The following GALNT13 variants were observed in gnomAD, a reference collection of about 807,000 sequenced individuals.
GALNT13 encodes the protein polypeptide N-acetylgalactosaminyltransferase 13, also known as UDP-GalNAc:polypeptide N-acetylgalactosaminyltransferase 13.
Under a neutral mutation model 64.2 loss-of-function variants are expected in GALNT13, and 28 were observed. The ratio of observed to expected loss-of-function variants is 0.44; its 90% CI spans 0.32 to 0.60. GALNT13 has a LOEUF of 0.60. Among genes scored for constraint, GALNT13 ranks in the 20% least tolerant of loss-of-function variants. GALNT13 has a pLI of 0.05. For synonymous variants in GALNT13, 214 were observed against 224.6 expected (o/e 0.95, Z 0.42); for missense variants, 577 against 669.8 (o/e 0.86, Z 1.53).
At chr2:154,210,788 T>G (rs1280883901) in intron 4 of GALNT13, among the ~76,000 whole-genome samples, 2 of 152,128 alleles carry the variant, frequency 1.3e-5, no homozygotes, top group Non-Finnish European at 2.9e-5. Context: ...CTAGTTCTGA[T>G]AAGAGAATTA....
chr2:153,283,625 C>T, the GALNT13 span, among the ~76,000 whole-genome samples: 1 of 152,070 alleles, frequency 6.6e-6, no homozygotes, highest in Non-Finnish European at 1.5e-5. Context: ...GATCTCTTCA[C>T]AGGTAGGGTG....
At chr2:153,807,103 G>A in the GALNT13 span, among the ~76,000 whole-genome samples, 3 of 151,910 alleles carry the variant, frequency 2.0e-5, no homozygotes, top group Non-Finnish European at 2.9e-5. Context: ...TGCCCAATCC[G>A]TGTAGTAACA....
At chr2:153,553,476 T>C in the GALNT13 span, among the ~76,000 whole-genome samples, 3 of 152,212 alleles carry the variant, frequency 2.0e-5, no homozygotes, top group South Asian at 6.2e-4. Context: ...CACTCCAGCC[T>C]GGATGACAGA....
chr2:153,445,901 G>A, the GALNT13 span, among the ~76,000 whole-genome samples: 25 of 152,210 alleles, frequency 1.6e-4, no homozygotes, highest in African/African-American at 5.1e-4. Context: ...TACTGTTAAG[G>A]AGTGGGATTA....
chr2:153,349,585 A>C, the GALNT13 span, among the ~76,000 whole-genome samples: 1 of 152,204 alleles, frequency 6.6e-6, no homozygotes, highest in Non-Finnish European at 1.5e-5. Context: ...CCCAGGAATG[A>C]TGTTGAGAAT....
At chr2:153,356,789 C>CTTTTTTTTTTTTTTTTTTTTTT in the GALNT13 span, among the ~76,000 whole-genome samples, 4 of 104,904 alleles carry the variant, frequency 3.8e-5, 2 homozygotes, top group Non-Finnish European at 7.4e-5. Flanking sequence ...TCTTCTTCCT[C>CTTTTTTTTTTTTTTTTTTTTTT]TTTTTTTTTT....
chr2:153,708,813 A>G, the GALNT13 span, among the ~76,000 whole-genome samples: 1 of 152,166 alleles, frequency 6.6e-6, no homozygotes, highest in Admixed American at 6.6e-5. Flanking sequence ...GACCAATGGA[A>G]TATAATAGAG....
chr2:153,266,260 G>A, the GALNT13 span, among the ~76,000 whole-genome samples: 10 of 152,308 alleles, frequency 6.6e-5, no homozygotes, highest in African/African-American at 2.4e-4. Context: ...TTAGTAAGAT[G>A]TATCTGAAAT....
the GALNT13 span, among the ~76,000 whole-genome samples, chr2:153,419,557 G>A: frequency 6.6e-6 from 1 of 152,148 alleles, no homozygotes; most frequent in African/African-American, 2.4e-5. Flanking sequence ...ACAAGGAAAG[G>A]GTGTGAACAA....
chr2:153,434,546 A>G, the GALNT13 span, among the ~76,000 whole-genome samples: 1 of 151,988 alleles, frequency 6.6e-6, no homozygotes, highest in Non-Finnish European at 1.5e-5. Context: ...ATGGTATCTC[A>G]TTGTGGTTTT....
chr2:153,975,012 C>T (rs1349437744), intron 3 of GALNT13, among the ~76,000 whole-genome samples: 2 of 151,956 alleles, frequency 1.3e-5, no homozygotes, highest in African/African-American at 2.4e-5. Context: ...TTATTTTATA[C>T]CCATTCCTTT....
intron 3 of GALNT13, among the ~76,000 whole-genome samples, chr2:153,956,622 ATCT>A (rs2105416476): frequency 6.6e-6 from 1 of 152,174 alleles, no homozygotes; most frequent in Non-Finnish European, 1.5e-5. Context: ...ATAATAATAA[ATCT>A]TCTATTCATG....
At chr2:153,853,106 G>A in the GALNT13 span, among the ~76,000 whole-genome samples, 1 of 152,150 alleles carries the variant, frequency 6.6e-6, no homozygotes, top group South Asian at 2.1e-4. Context: ...GAAGAATTTA[G>A]AGTCCGATCT....
Position 154,399,521 on chromosome 2 carries a change from C to G in GALNT13, c.1296+3391C>G, listed in dbSNP as rs919691524. Among the ~76,000 whole-genome samples the G allele has an allele frequency of 2.0e-5, 3 of 152,086 alleles. No homozygotes were observed. The East Asian group carries it at 5.8e-4, about 29-fold the overall frequency. On this transcript the variant is annotated intron_variant, in intron 10 of 12. Transcript: ENST00000392825. ...GGGGCAGGACAGCTCCCTTCAACCT[C>G]TTTTATAAGGGCACTAATCCCATTC... is the stretch of plus-strand genomic sequence containing the variant.
chr2:153,192,883 T>C, the GALNT13 span, among the ~76,000 whole-genome samples: 1 of 152,118 alleles, frequency 6.6e-6, no homozygotes, highest in East Asian at 1.9e-4. Context: ...CTATATGTCT[T>C]TACAGGTAAA....
chr2:154,280,103 T>G (rs1438618774), intron 8 of GALNT13, among the ~76,000 whole-genome samples: 1 of 152,196 alleles, frequency 6.6e-6, no homozygotes, highest in Non-Finnish European at 1.5e-5. Flanking sequence ...AAAATGACTC[T>G]AGCTGATTAA....
At chr2:153,583,217 T>TGAAGAAAGGAG in the GALNT13 span, among the ~76,000 whole-genome samples, 1 of 152,106 alleles carries the variant, frequency 6.6e-6, no homozygotes, top group African/African-American at 2.4e-5. Flanking sequence ...TTTTAAGCCA[T>TGAAGAAAGGAG]GAAGAAAGGA....
At chr2:154,228,751 A>T (rs1474526517) in intron 4 of GALNT13, among the ~76,000 whole-genome samples, 3 of 152,148 alleles carry the variant, frequency 2.0e-5, no homozygotes, top group African/African-American at 7.2e-5. Context: ...GGAAGCAAGC[A>T]TGATGAATGA....
chr2:154,274,931 C>A (rs1691557641), intron 8 of GALNT13, among the ~76,000 whole-genome samples: 1 of 152,062 alleles, frequency 6.6e-6, no homozygotes, highest in Admixed American at 6.6e-5. Context: ...GTGATACGGA[C>A]AACAAAGTCC....
Sources: allele counts gnomAD v4.1 joint callset (sites outside exome capture counted in the v4.1 genomes callset), GRCh38; gene constraint gnomAD v4.1.1; transcripts MANE v1.5; gene names NCBI Gene and HGNC (gene_info 2026-07-23, HGNC 2026-07-21).